The following GALNT17 variants were observed in gnomAD, a reference collection of about 807,000 sequenced individuals.
GALNT17 encodes the protein polypeptide N-acetylgalactosaminyltransferase 17.
A neutral mutation model predicts 63.7 loss-of-function variants in GALNT17; 29 were observed. The observed-to-expected ratio is 0.46, with a 90% CI of 0.34 to 0.62. The LOEUF is 0.62. Ranked by LOEUF, GALNT17 falls within the 20% of genes least tolerant of loss-of-function variation. The pLI, the probability that GALNT17 is intolerant of heterozygous loss-of-function variation, is 0.01. For synonymous variants in GALNT17, 305 were observed against 318.3 expected, an observed-to-expected ratio of 0.96 and a Z score of 0.45; for missense variants, 603 against 799.6, an observed-to-expected ratio of 0.75 and a Z score of 2.97.
At chr7:71,281,369 A>G (rs974836816) in intron 1 of GALNT17, among the ~76,000 whole-genome samples, 2 of 152,178 alleles carry the variant, frequency 1.3e-5, no homozygotes, top group South Asian at 2.1e-4. Flanking sequence ...TCATTTAGCT[A>G]GAAGGATTTG....
At chr7:71,448,800 C>A (rs1383452722) in intron 5 of GALNT17, among the ~76,000 whole-genome samples, 2 of 152,082 alleles carry the variant, frequency 1.3e-5, no homozygotes, top group Non-Finnish European at 2.9e-5. Context: ...TATACATTAA[C>A]TATGTATGGA....
intron 1 of GALNT17, among the ~76,000 whole-genome samples, chr7:71,236,804 T>C (rs962996306): frequency 6.6e-6 from 1 of 152,180 alleles, no homozygotes; most frequent in Non-Finnish European, 1.5e-5. Context: ...CCTGCTCTAA[T>C]AGCTGATGGT....
At chr7:71,380,844 G>A (rs543577699) in intron 2 of GALNT17, among the ~76,000 whole-genome samples, 1 of 152,148 alleles carries the variant, frequency 6.6e-6, no homozygotes, top group East Asian at 1.9e-4. Flanking sequence ...CTTGCAGGAG[G>A]GAAGTGCTTC....
chr7:71,252,776 C>A (rs1250881046), intron 1 of GALNT17, among the ~76,000 whole-genome samples: 2 of 152,170 alleles, frequency 1.3e-5, no homozygotes, highest in Admixed American at 1.3e-4. Flanking sequence ...ACCGGCTTCC[C>A]ATTTTGTTCC....
intron 5 of GALNT17, among the ~76,000 whole-genome samples, chr7:71,477,697 CA>C (rs199784349): frequency 2.7e-5 from 4 of 150,052 alleles, no homozygotes; most frequent in Admixed American, 1.3e-4. Context: ...TCTAAAAAAA[CA>C]AAAAAAAAGG....
intron 1 of GALNT17, among the ~76,000 whole-genome samples, chr7:71,322,260 T>C (rs1436549747): frequency 1.3e-5 from 2 of 152,126 alleles, no homozygotes; most frequent in Non-Finnish European, 2.9e-5. Context: ...GGCCTCAATT[T>C]TCTTATCTGC....
At chr7:71,604,652 A>G (rs973542884) in intron 6 of GALNT17, among the ~76,000 whole-genome samples, 1 of 152,168 alleles carries the variant, frequency 6.6e-6, no homozygotes, top group South Asian at 2.1e-4. Flanking sequence ...TATCTCACTC[A>G]AGCTTTAATA....
chr7:71,261,281 G>A (rs1790381225), intron 1 of GALNT17, among the ~76,000 whole-genome samples: 1 of 152,112 alleles, frequency 6.6e-6, no homozygotes, highest in Non-Finnish European at 1.5e-5. Context: ...TAGAGGGATT[G>A]AGCAAAGCCA....
chr7:71,192,708 C>T (rs1326213622), intron 1 of GALNT17, among the ~76,000 whole-genome samples: 1 of 152,120 alleles, frequency 6.6e-6, no homozygotes, highest in Non-Finnish European at 1.5e-5. Context: ...ATATTTAACT[C>T]TTAACTGCCA....
intron 5 of GALNT17, among the ~76,000 whole-genome samples, chr7:71,450,943 T>C (rs894137665): frequency 7.2e-6 from 1 of 138,072 alleles, no homozygotes; most frequent in East Asian, 2.1e-4. Context: ...TTTTTTTTTT[T>C]ATTATACTCT....
chr7:71,138,333 A>T lies in GALNT17; in HGVS notation c.238+5293A>T, dbSNP rs544839518. On this transcript the variant is annotated intron_variant, in intron 1 of 10. Transcript: ENST00000333538. ...AGCCTTCTGGCTCAAAAGAAAAAAA[A>T]ATCATGTGGAAGAGAAAATATATTT... Among the ~76,000 whole-genome samples the T allele has an allele frequency of 5.2e-3, 789 of 151,796 alleles. 4 individuals carry two copies. Among genetic ancestry groups the T allele is most frequent in the African/African-American group, 0.017 (702 of 41,372 alleles).
intron 7 of GALNT17, among the ~76,000 whole-genome samples, chr7:71,668,904 A>T (rs531493735): frequency 1.4e-4 from 22 of 152,346 alleles, no homozygotes; most frequent in African/African-American, 5.3e-4. Context: ...GCATGTAATG[A>T]ACTTCGCAAA....
intron 5 of GALNT17, among the ~76,000 whole-genome samples, chr7:71,466,234 T>C (rs1414976909): frequency 6.6e-6 from 1 of 152,106 alleles, no homozygotes; most frequent in African/African-American, 2.4e-5. Context: ...TGGCCAAGGG[T>C]ATCCCAAGGA....
At chr7:71,511,447 T>C (rs1370448654) in intron 5 of GALNT17, among the ~76,000 whole-genome samples, 2 of 152,134 alleles carry the variant, frequency 1.3e-5, no homozygotes, top group African/African-American at 4.8e-5. Context: ...TTGAAGACTT[T>C]CACGCAGTGG....
chr7:71,679,489 AACACAGGC>A, intron 9 of GALNT17, among the ~76,000 whole-genome samples: 1 of 152,322 alleles, frequency 6.6e-6, no homozygotes, highest in Middle Eastern at 3.4e-3. Flanking sequence ...GCACCACTGT[AACACAGGC>A]AGCTGGTATG....
intron 1 of GALNT17, among the ~76,000 whole-genome samples, chr7:71,211,471 A>G (rs1348650475): frequency 2.0e-5 from 3 of 152,212 alleles, no homozygotes; most frequent in Non-Finnish European, 4.4e-5. Context: ...TATCAGCAGC[A>G]TGAAAACAGA....
chr7:71,540,337 G>A (rs915061490), intron 5 of GALNT17, among the ~76,000 whole-genome samples: 1 of 149,204 alleles, frequency 6.7e-6, no homozygotes, highest in South Asian at 2.2e-4. Context: ...GGCTGGTCTC[G>A]AACTCCTGAC....
intron 9 of GALNT17, among the ~76,000 whole-genome samples, chr7:71,679,593 C>A (rs1791205885): frequency 6.6e-6 from 1 of 152,002 alleles, no homozygotes; most frequent in Non-Finnish European, 1.5e-5. Flanking sequence ...TAAGCGTAAC[C>A]CACGGTGCTG....
In GALNT17 at chr7:71,265,417, G is replaced by A. The variant is rs1406292282; in HGVS notation, c.239-70133G>A. Among the ~76,000 whole-genome samples the A allele has an allele frequency of 7.9e-5, 12 of 151,902 alleles. No individual in the cohort carries two copies. In the East Asian group the frequency reaches 1.9e-3, roughly 25 times the overall value. ...TGGGATTACAGACGTGAGCCACTGT[G>A]CCCAGCCAGCTATATAAAATATTAT... On this transcript the variant is annotated intron_variant, in intron 1 of 10. Coordinates refer to ENST00000333538, the MANE Select transcript of GALNT17 (RefSeq NM_022479.3).
Sources: allele counts gnomAD v4.1 joint callset (sites outside exome capture counted in the v4.1 genomes callset), GRCh38; gene constraint gnomAD v4.1.1; transcripts MANE v1.5; gene names NCBI Gene and HGNC (gene_info 2026-07-23, HGNC 2026-07-21).